NRXN1: variants seen among roughly 807,000 people sequenced by gnomAD.
The protein encoded by NRXN1 is neurexin 1, also known as neurexin-1.
NRXN1 carries 39 observed loss-of-function variants against 150.9 expected under a neutral mutation model. The observed-to-expected ratio is 0.26, with a 90% confidence interval of 0.20 to 0.34. The LOEUF is 0.34. Among genes scored for constraint, NRXN1 ranks in the 10% least tolerant of loss-of-function variants. The pLI, the probability that NRXN1 is intolerant of heterozygous loss-of-function variation, is 1.00. For missense variants in NRXN1, 1,815 were observed against 1,949.9 expected, an observed-to-expected ratio of 0.93 and a Z score of 1.30; for synonymous variants, 924 against 757.0, an observed-to-expected ratio of 1.22 and a Z score of -3.62.
chr2:49,949,665 C>G (rs1013351936), intron 21 of NRXN1, among the ~76,000 whole-genome samples: 1 of 144,044 alleles, frequency 6.9e-6, no homozygotes, highest in Non-Finnish European at 1.5e-5. Context: ...TATTTCTAAA[C>G]AGCAACAGTG....
intron 5 of NRXN1, among the ~76,000 whole-genome samples, chr2:50,890,713 TAAAAC>T (rs1172221454): frequency 6.6e-6 from 1 of 151,836 alleles, no homozygotes; most frequent in Non-Finnish European, 1.5e-5. Context: ...ATTGAACAAT[TAAAAC>T]AAAAAACATG....
At chr2:50,642,131 A>C (rs966078253) in intron 5 of NRXN1, among the ~76,000 whole-genome samples, 17 of 152,132 alleles carry the variant, frequency 1.1e-4, no homozygotes, top group African/African-American at 4.1e-4. Context: ...GAAGCCCTGA[A>C]AAATTAATCA....
rs556630120 is a variant in NRXN1 at position 50,680,571 on chromosome 2, C to T, written c.833-56956G>A. Among the ~76,000 whole-genome samples, 6 of 152,134 alleles carry T rather than the reference C, an allele frequency of 3.9e-5. No individual in the cohort carries two copies. The South Asian group carries it at 1.2e-3, about 32-fold the overall frequency. Reference sequence around the variant, plus strand: ...ATCAACTGGATCCTTTCAAATATCTCCCCAAACACCTGGAAGATGACAAAT... The same window carrying T: ...ATCAACTGGATCCTTTCAAATATCTTCCCAAACACCTGGAAGATGACAAAT... On this transcript the variant is annotated intron_variant, in intron 5 of 22. Coordinates refer to ENST00000401669, the MANE Select transcript of NRXN1 (RefSeq NM_001330078.2).
chr2:50,247,857 A>C (rs1268521264), intron 17 of NRXN1, among the ~76,000 whole-genome samples: 1 of 152,310 alleles, frequency 6.6e-6, no homozygotes, highest in East Asian at 1.9e-4. Flanking sequence ...TCCTGGTTTT[A>C]ATCATTGTAC....
At chr2:50,573,143 G>A (rs1036438814) in intron 8 of NRXN1, among the ~76,000 whole-genome samples, 1 of 152,100 alleles carries the variant, frequency 6.6e-6, no homozygotes, top group Non-Finnish European at 1.5e-5. Flanking sequence ...GTTGGGGCAG[G>A]AGGATTGCTT....
At chr2:50,598,938 T>C (rs1332453669) in intron 8 of NRXN1, among the ~76,000 whole-genome samples, 5 of 151,474 alleles carry the variant, frequency 3.3e-5, no homozygotes, top group Admixed American at 6.6e-5. Flanking sequence ...TGTTTTGTTT[T>C]GTTTTGTACT....
chr2:50,262,186 A>G (rs1452458657), intron 17 of NRXN1, among the ~76,000 whole-genome samples: 1 of 151,908 alleles, frequency 6.6e-6, no homozygotes, highest in African/African-American at 2.4e-5. Context: ...TGTTTTCTGT[A>G]TTTTATGGCT....
At chr2:50,066,730 A>G (rs574082336) in intron 19 of NRXN1, among the ~76,000 whole-genome samples, 31 of 152,346 alleles carry the variant, frequency 2.0e-4, no homozygotes, top group African/African-American at 6.3e-4. Flanking sequence ...TCATAAAACT[A>G]CTAAGTAAAA....
At chr2:50,893,718 T>C (rs531112692) in intron 5 of NRXN1, among the ~76,000 whole-genome samples, 1 of 152,332 alleles carries the variant, frequency 6.6e-6, no homozygotes, top group East Asian at 1.9e-4. Context: ...TGATTTTTGA[T>C]AAACAAAAGT....
At chr2:50,381,770 C>G (rs998554120) in intron 17 of NRXN1, among the ~76,000 whole-genome samples, 1 of 152,132 alleles carries the variant, frequency 6.6e-6, no homozygotes, top group African/African-American at 2.4e-5. Context: ...GGTGCTTAAA[C>G]TAATTGTAGA....
At chr2:50,956,798 T>G (rs1169295104) in intron 2 of NRXN1, among the ~76,000 whole-genome samples, 3 of 152,054 alleles carry the variant, frequency 2.0e-5, no homozygotes, top group Admixed American at 6.5e-5. Flanking sequence ...TAATCATTAT[T>G]TCGTTTACTG....
At chr2:50,744,417 T>C (rs1699779318) in intron 5 of NRXN1, among the ~76,000 whole-genome samples, 1 of 152,032 alleles carries the variant, frequency 6.6e-6, no homozygotes, top group Admixed American at 6.6e-5. Flanking sequence ...ATGATAAGAA[T>C]AAAAACATTA....
At chr2:49,963,689 C>T (rs1558593477) in intron 21 of NRXN1, among the ~76,000 whole-genome samples, 1 of 152,180 alleles carries the variant, frequency 6.6e-6, no homozygotes, top group Non-Finnish European at 1.5e-5. Context: ...CCCTCTCACC[C>T]CCATCCTTTA....
At chr2:50,068,728 G>A (rs1351053460) in intron 19 of NRXN1, among the ~76,000 whole-genome samples, 1 of 152,064 alleles carries the variant, frequency 6.6e-6, no homozygotes, top group Non-Finnish European at 1.5e-5. Context: ...AGTATGATGT[G>A]CCTTACACAA....
Position 49,922,238 on chromosome 2 carries a change from T to C in NRXN1, c.4230A>G (p.Arg1410=). The part of the protein sequence containing the change: ...PSSGGLANPT[R]AGGREPYPGS... ...CTGGATACGGCTCTCTGCCGCCTGC[T>C]CGGGTTGGGTTGGCTATAGAAAAGA... The change falls in exon 23 of 23, where the codon CGA becomes CGG. Residue 1410 remains arginine, a synonymous_variant. Coordinates refer to ENST00000401669, the MANE Select transcript of NRXN1 (RefSeq NM_001330078.2). 6.2e-7 allele frequency: 1 copy of C among 1,613,760 alleles called. No individual in the cohort carries two copies. Among genetic ancestry groups the C allele is most frequent in the Non-Finnish European group, 8.5e-7 (1 of 1,179,818 alleles).
intron 5 of NRXN1, among the ~76,000 whole-genome samples, chr2:50,710,977 A>G (rs1206217916): frequency 6.6e-6 from 1 of 152,194 alleles, no homozygotes; most frequent in Non-Finnish European, 1.5e-5. Context: ...TGGCCCCCAT[A>G]ATAGAAAAGA....
At chr2:50,102,286 A>G (rs1701081738) in intron 18 of NRXN1, among the ~76,000 whole-genome samples, 1 of 152,064 alleles carries the variant, frequency 6.6e-6, no homozygotes, top group Admixed American at 6.6e-5. Flanking sequence ...TTTTAGCTGC[A>G]GTGAATTTTG....
chr2:50,850,184 C>T (rs1267884168), intron 5 of NRXN1, among the ~76,000 whole-genome samples: 1 of 149,718 alleles, frequency 6.7e-6, no homozygotes, highest in Non-Finnish European at 1.5e-5. Flanking sequence ...GCTGTGATTA[C>T]TGCACTGCAC....
In NRXN1 at chr2:50,890,269, G is replaced by T. The variant is rs139687507; in HGVS notation, c.832+31600C>A. ...CCTTGTAAAAGGTGGTGAAGTGAGT[G>T]AAACTCTAACCTTAAAATATATTTT... On this transcript the variant is annotated intron_variant, in intron 5 of 22. Transcript: ENST00000401669. Among the ~76,000 whole-genome samples, 42 of 151,892 alleles carry T rather than the reference G, an allele frequency of 2.8e-4. 1 individual carries two copies. Among genetic ancestry groups the T allele is most frequent in the African/African-American group, 9.4e-4 (39 of 41,518 alleles).
Sources: allele counts gnomAD v4.1 joint callset (sites outside exome capture counted in the v4.1 genomes callset), GRCh38; gene constraint gnomAD v4.1.1; transcripts MANE v1.5; gene names NCBI Gene and HGNC (gene_info 2026-07-23, HGNC 2026-07-21).